Variants in ICA1L observed in about 807,000 individuals in gnomAD.
ICA1L encodes the protein islet cell autoantigen 1 like, also known as islet cell autoantigen 1-like protein.
In ICA1L, 50 loss-of-function variants were observed where a neutral mutation model predicts 61.3. That is an observed-to-expected ratio of 0.82 (90% CI 0.65 to 1.03). The LOEUF is 1.03. Among genes scored for constraint, ICA1L ranks in the 50% least tolerant of loss-of-function variants. The probability of loss-of-function intolerance (pLI) is 0.00; values close to 1 mark genes in which losing one functional copy is unlikely to be tolerated. For missense variants in ICA1L, 508 were observed against 556.7 expected, an observed-to-expected ratio of 0.91 and a Z score of 0.88; for synonymous variants, 161 against 191.3, an observed-to-expected ratio of 0.84 and a Z score of 1.31.
intron 9 of ICA1L, among the ~76,000 whole-genome samples, chr2:202,800,037 T>C (rs1421181283): frequency 6.6e-6 from 1 of 151,920 alleles, no homozygotes; most frequent in Non-Finnish European, 1.5e-5. Flanking sequence ...ACTGCCACAG[T>C]CAGCTAAGTT....
intron 7 of ICA1L, among the ~76,000 whole-genome samples, chr2:202,815,478 T>C (rs1693507535): frequency 6.6e-6 from 1 of 152,124 alleles, no homozygotes; most frequent in Non-Finnish European, 1.5e-5. Flanking sequence ...TAAAACAAAG[T>C]TTTTCTCTAA....
intron 9 of ICA1L, among the ~76,000 whole-genome samples, chr2:202,805,810 GATAAA>G (rs1208701856): frequency 1.3e-5 from 2 of 152,042 alleles, no homozygotes; most frequent in African/African-American, 4.8e-5. Flanking sequence ...AAATTTAAAA[GATAAA>G]ATAATAGCAT....
At chr2:202,867,580 T>TTATGCAG (rs1687553318) in intron 1 of ICA1L, among the ~76,000 whole-genome samples, 1 of 152,192 alleles carries the variant, frequency 6.6e-6, no homozygotes, top group African/African-American at 2.4e-5. Flanking sequence ...CAAAACACCT[T>TTATGCAG]TATGCAGTAT....
At chr2:202,823,388 A>C (rs140137527) in intron 3 of ICA1L, among the ~76,000 whole-genome samples, 1 of 152,186 alleles carries the variant, frequency 6.6e-6, no homozygotes, top group Non-Finnish European at 1.5e-5. Flanking sequence ...AATTAAATCT[A>C]TATGTGTTTC....
intron 9 of ICA1L, among the ~76,000 whole-genome samples, chr2:202,797,635 C>T (rs958392996): frequency 6.6e-6 from 1 of 152,166 alleles, no homozygotes; most frequent in Non-Finnish European, 1.5e-5. Flanking sequence ...GATTCTCCTG[C>T]CTCAGCCTCC....
chr2:202,796,958 T>C lies in ICA1L; in HGVS notation c.917A>G (p.Lys306Arg). ...TTGAGAATGTTTTTCATTGTGATCT[T>C]TGTTTGCTAAATCAAAAGCACATAA... ...EASFESEQANKDHNEKHSQMR... is the reference protein window; with the variant it reads ...EASFESEQANRDHNEKHSQMR... Residue 306 changes from lysine to arginine, a missense_variant, in exon 10 of 13, where the codon AAA becomes AGA. Physicochemically the swap from Lys to Arg is conservative, Grantham distance 26. Coordinates refer to ENST00000358299, the MANE Select transcript of ICA1L (RefSeq NM_001288622.3). 2 of 1,593,378 alleles carry C rather than the reference T, an allele frequency of 1.3e-6. No individual in the cohort carries two copies. The highest frequency in any genetic ancestry group is 1.7e-6 in the Non-Finnish European group (2 of 1,172,536).
At chr2:202,794,724 A>G (rs1175443088) in intron 10 of ICA1L, among the ~76,000 whole-genome samples, 3 of 152,210 alleles carry the variant, frequency 2.0e-5, no homozygotes, top group African/African-American at 7.2e-5. Context: ...TATAATGGAA[A>G]AGAAAACCTC....
At position 202,785,946 on chromosome 2, in the gene ICA1L, A is replaced by C. The variant is rs761102391; in HGVS notation, c.1305T>G (p.Pro435=). 4.3e-5 allele frequency: 69 copies of C among 1,604,086 alleles called. No homozygotes were observed. Among genetic ancestry groups the C allele is most frequent in the Non-Finnish European group, 5.5e-5 (65 of 1,171,982 alleles). The change falls in exon 12 of 13, where the codon CCT becomes CCG. Residue 435 remains proline, a synonymous_variant. Coordinates refer to ENST00000358299, the MANE Select transcript of ICA1L (RefSeq NM_001288622.3). ...TTGTTAATTTCTTTGGACTCTGTGA[A>C]GGCACTGGCTGGTTATCAGTGTGTG... ...CLSHTDNQPV[P]SQSPKKLTRS...
intron 1 of ICA1L, among the ~76,000 whole-genome samples, chr2:202,848,982 G>A (rs1306453556): frequency 6.6e-6 from 1 of 152,060 alleles, no homozygotes; most frequent in Non-Finnish European, 1.5e-5. Context: ...TACAGCCCAC[G>A]GAGGGCAAGC....
At chr2:202,803,830 A>G (rs559658168) in intron 9 of ICA1L, among the ~76,000 whole-genome samples, 7 of 152,286 alleles carry the variant, frequency 4.6e-5, no homozygotes, top group African/African-American at 1.7e-4. Flanking sequence ...GCCTGGCCCA[A>G]AAAGTATTAT....
chr2:202,857,390 T>C (rs1694795821), intron 1 of ICA1L, among the ~76,000 whole-genome samples: 1 of 152,152 alleles, frequency 6.6e-6, no homozygotes, highest in South Asian at 2.1e-4. Flanking sequence ...AGTCCCTATT[T>C]AATAAATGGT....
At chr2:202,834,854 A>G (rs569398117) in intron 1 of ICA1L, among the ~76,000 whole-genome samples, 190 of 152,126 alleles carry the variant, frequency 1.2e-3, no homozygotes, top group African/African-American at 4.1e-3. Context: ...TTACAGATTC[A>G]GGGTCTCACT....
Position 202,868,014 on chromosome 2 carries a change from C to T in ICA1L, c.-8+3605G>A, listed in dbSNP as rs1029647538. 2.0e-5 allele frequency among the ~76,000 whole-genome samples: 3 copies of T among 152,048 alleles called. No individual in the cohort carries two copies. The South Asian group carries it at 6.2e-4, about 31-fold the overall frequency. On this transcript the variant is annotated intron_variant, in intron 1 of 12. Coordinates refer to ENST00000358299, the MANE Select transcript of ICA1L (RefSeq NM_001288622.3). ...ATACCACTCAGCAACAGAAAAACTA[C>T]AAACCAAGTAATTAATGAGTAAGGG...
intron 1 of ICA1L, among the ~76,000 whole-genome samples, chr2:202,831,119 C>T (rs1694004603): frequency 6.6e-6 from 1 of 152,018 alleles, no homozygotes; most frequent in African/African-American, 2.4e-5. Flanking sequence ...CTGTAAAGTC[C>T]ACAAAGTGGC....
Position 202,775,406 on chromosome 2 carries a change from T to C in ICA1L, c.*4127A>G, listed in dbSNP as rs528279856. 18 of 152,330 alleles carry C rather than the reference T, an allele frequency of 1.2e-4. No homozygotes were observed. Among genetic ancestry groups the C allele is most frequent in the African/African-American group, 3.8e-4 (16 of 41,566 alleles). The allele number at this position is 152,330 out of a possible 1,614,324, so 9.4% of individuals were successfully genotyped here. A position where few individuals can be genotyped will look rare whatever the true frequency, so the allele number is the denominator to read the frequency against. ...TTAATTGTTTGTGTCTAGGCTCAGATTTTTGATATTTGTTAGTTTTTGTTA... is the reference window on the plus strand; with the variant it reads ...TTAATTGTTTGTGTCTAGGCTCAGACTTTTGATATTTGTTAGTTTTTGTTA... On this transcript the variant is annotated 3_prime_UTR_variant, in exon 13 of 13. Transcript: ENST00000358299.
intron 9 of ICA1L, among the ~76,000 whole-genome samples, chr2:202,800,206 C>G (rs76122535): frequency 0.096 from 14,570 of 151,966 alleles, 827 homozygotes; most frequent in Non-Finnish European, 0.13. Flanking sequence ...TTAAAAACTG[C>G]CCATAGCAAT....
At chr2:202,841,997 C>A (rs920977346) in intron 1 of ICA1L, among the ~76,000 whole-genome samples, 2 of 151,906 alleles carry the variant, frequency 1.3e-5, no homozygotes, top group Admixed American at 6.6e-5. Flanking sequence ...ATTACAGGCA[C>A]CTACCACCAG....
intron 11 of ICA1L, chr2:202,786,775 T>G (rs1436823370): frequency 1.6e-5 from 7 of 450,718 alleles, no homozygotes; most frequent in Non-Finnish European, 2.7e-5. Flanking sequence ...TGCAGCATTA[T>G]CTGTAATAAT....
At chr2:202,857,033 T>C (rs1309898125) in intron 1 of ICA1L, among the ~76,000 whole-genome samples, 1 of 152,150 alleles carries the variant, frequency 6.6e-6, no homozygotes, top group Non-Finnish European at 1.5e-5. Context: ...GAAGAATCAA[T>C]ATCATGAAAA....
Sources: gnomAD v4.1 joint callset for allele counts (sites outside exome capture counted in the v4.1 genomes callset) on GRCh38, gnomAD v4.1.1 for gene constraint, MANE v1.5 for transcripts, NCBI Gene and HGNC (gene_info 2026-07-23, HGNC 2026-07-21) for gene names.